The following TRIO variants were observed in gnomAD, a reference collection of about 807,000 sequenced individuals.
TRIO encodes triple functional domain protein.
A neutral mutation model predicts 351.9 loss-of-function variants in TRIO; 58 were observed. The ratio of observed to expected loss-of-function variants is 0.16; its 90% CI spans 0.13 to 0.21. The LOEUF is 0.21. Among genes scored for constraint, TRIO ranks in the 10% least tolerant of loss-of-function variants. TRIO has a pLI of 1.00. For missense variants in TRIO, 3,201 were observed against 4,027.8 expected, an observed-to-expected ratio of 0.79 and a Z score of 5.56; for synonymous variants, 1,758 against 1,595.7, an observed-to-expected ratio of 1.10 and a Z score of -2.42.
At chr5:14,151,589 T>A (rs1787838250) in intron 1 of TRIO, among the ~76,000 whole-genome samples, 1 of 152,242 alleles carries the variant, frequency 6.6e-6, no homozygotes, top group African/African-American at 2.4e-5. Flanking sequence ...ATGACATGAA[T>A]GCTTTCAGGC....
intron 11 of TRIO, among the ~76,000 whole-genome samples, chr5:14,346,096 G>T (rs1186521103): frequency 6.6e-6 from 1 of 152,202 alleles, no homozygotes; most frequent in Non-Finnish European, 1.5e-5. Context: ...CAGCTTAAAA[G>T]CTCCAGATAA....
intron 34 of TRIO, among the ~76,000 whole-genome samples, chr5:14,434,394 G>T (rs569699640): frequency 5.8e-4 from 88 of 152,014 alleles, no homozygotes; most frequent in Non-Finnish European, 1.1e-3. Context: ...TTTCTACAAA[G>T]ATCTTCTCTG....
chr5:14,479,134 G>A lies in TRIO; in HGVS notation c.6154-127G>A, dbSNP rs547953645. 60 of 760,882 alleles carry A rather than the reference G, an allele frequency of 7.9e-5. No individual in the cohort carries two copies. In the South Asian group the frequency reaches 8.9e-4, roughly 11 times the overall value. The allele number at this position is 760,882 out of a possible 1,614,324, so 47.1% of individuals were successfully genotyped here. Reference sequence around the variant, plus strand: ...CTGAATCTGGAATTTACTCCCGAGAGCCTTAGCTGTGCAGCTTGGTTTTAA... The same window carrying A: ...CTGAATCTGGAATTTACTCCCGAGAACCTTAGCTGTGCAGCTTGGTTTTAA... On this transcript the variant is annotated intron_variant, in intron 41 of 56. Transcript: ENST00000344204.
chr5:14,196,476 T>C (rs567801332), intron 1 of TRIO, among the ~76,000 whole-genome samples: 65 of 149,806 alleles, frequency 4.3e-4, no homozygotes, highest in Non-Finnish European at 6.8e-4. Flanking sequence ...CACGTACCTC[T>C]AAGACTGACT....
intron 11 of TRIO, among the ~76,000 whole-genome samples, chr5:14,350,015 C>T (rs1317951020): frequency 1.3e-5 from 2 of 152,150 alleles, no homozygotes; most frequent in Admixed American, 6.5e-5. Context: ...CTAAGGATAA[C>T]GGCCTCCAGC....
chr5:14,210,141 C>G (rs993947302), intron 1 of TRIO, among the ~76,000 whole-genome samples: 9 of 152,082 alleles, frequency 5.9e-5, no homozygotes, highest in Non-Finnish European at 1.0e-4. Context: ...AGCGGTCGGC[C>G]CCTTTGGTTG....
At chr5:14,504,857 T>G (rs561069625) in intron 55 of TRIO, among the ~76,000 whole-genome samples, 10 of 130,112 alleles carry the variant, frequency 7.7e-5, no homozygotes, top group Admixed American at 2.1e-4. Flanking sequence ...AACCCGGAGA[T>G]GCACCCCCCC....
rs373227614 is a variant in TRIO, at chr5:14,358,172, C to A, written c.2047-6C>A. 20 of 1,610,552 alleles carry A rather than the reference C, an allele frequency of 1.2e-5. No homozygotes were observed. Among genetic ancestry groups the A allele is most frequent in the Non-Finnish European group, 1.6e-5 (19 of 1,177,472 alleles). ...GCCGGCCTCACCCCCCTCTCCCCTT[C>A]CCCAGCTGTGGACGTGGCTGGAGGA... On this transcript the variant is annotated splice_region_variant and splice_polypyrimidine_tract_variant and intron_variant, in intron 11 of 56. Transcript: ENST00000344204.
chr5:14,376,058 G>C (rs2152349418), intron 19 of TRIO, among the ~76,000 whole-genome samples: 1 of 152,280 alleles, frequency 6.6e-6, no homozygotes, highest in South Asian at 2.1e-4. Flanking sequence ...TAATGGTAGA[G>C]ATGGAGAAAA....
At chr5:14,502,721 T>A in intron 54 of TRIO, 64 bp downstream of exon 54, 1 of 1,501,870 alleles carries the variant, frequency 6.7e-7, no homozygotes, top group Non-Finnish European at 9.3e-7. Flanking sequence ...TACCAGAGAG[T>A]GCAGGGATAA....
At chr5:14,401,469 G>T (rs73061631) in intron 31 of TRIO, among the ~76,000 whole-genome samples, 1 of 152,314 alleles carries the variant, frequency 6.6e-6, no homozygotes, top group South Asian at 2.1e-4. Flanking sequence ...GAGGACCTGC[G>T]ACAGGAAGTC....
intron 33 of TRIO, among the ~76,000 whole-genome samples, chr5:14,410,684 C>T (rs1005858611): frequency 2.6e-5 from 4 of 152,120 alleles, no homozygotes; most frequent in African/African-American, 4.8e-5. Flanking sequence ...GTTTTTGACT[C>T]GGCCTCTTGG....
chr5:14,252,519 C>T (rs1281010922), intron 1 of TRIO, among the ~76,000 whole-genome samples: 2 of 152,220 alleles, frequency 1.3e-5, no homozygotes, highest in Admixed American at 1.3e-4. Flanking sequence ...CCCCGAGGGA[C>T]TTCATCTGTG....
intron 11 of TRIO, among the ~76,000 whole-genome samples, chr5:14,353,259 C>T (rs1430273390): frequency 6.8e-6 from 1 of 147,930 alleles, no homozygotes; most frequent in African/African-American, 2.5e-5. Flanking sequence ...CTCATTGAAA[C>T]TTCTAAGCAA....
At chr5:14,448,219 G>A (rs1752581725) in intron 34 of TRIO, among the ~76,000 whole-genome samples, 1 of 152,230 alleles carries the variant, frequency 6.6e-6, no homozygotes, top group Non-Finnish European at 1.5e-5. Context: ...TGGGAACACA[G>A]AGGATCAGAA....
chr5:14,214,912 C>T lies in TRIO; in HGVS notation c.158-55913C>T, dbSNP rs977544334. 3.9e-5 allele frequency among the ~76,000 whole-genome samples: 6 copies of T among 152,032 alleles called. 1 individual carries two copies. In the East Asian group the frequency reaches 1.2e-3, roughly 29 times the overall value. ...ATCAGTAGTTATGATGTTATTTTTT[C>T]CTTTTACAGTTTAAAAAAATTGTGT... On this transcript the variant is annotated intron_variant, in intron 1 of 56. Transcript: ENST00000344204.
intron 53 of TRIO, chr5:14,498,947 G>A (rs1375240207): frequency 9.9e-6 from 3 of 301,878 alleles, no homozygotes; most frequent in Admixed American, 4.2e-5. Context: ...GGCCCCCCAC[G>A]ACCAGCTTCT....
At chr5:14,472,785 C>A in intron 39 of TRIO, 127 bp downstream of exon 39, 1 of 1,008,210 alleles carries the variant, frequency 9.9e-7, no homozygotes, top group Non-Finnish European at 1.4e-6. Flanking sequence ...TAAAAAGTGA[C>A]CAACGATGTA....
intron 41 of TRIO, 48 bp from the exon 42 acceptor site, chr5:14,479,213 C>A (rs186417335): frequency 7.3e-6 from 11 of 1,508,158 alleles, no homozygotes; most frequent in South Asian, 1.1e-5. Context: ...GTATTCTAAT[C>A]GAATTTCCCA....
Sources: gnomAD v4.1 joint callset for allele counts (sites outside exome capture counted in the v4.1 genomes callset) on GRCh38, gnomAD v4.1.1 for gene constraint, MANE v1.5 for transcripts, NCBI Gene and HGNC (gene_info 2026-07-23, HGNC 2026-07-21) for gene names.